The following CUEDC1 variants were observed in gnomAD, a reference collection of about 807,000 sequenced individuals.
CUEDC1 encodes the protein CUE domain-containing protein 1.
Under a neutral mutation model 43.7 loss-of-function variants are expected in CUEDC1, and 30 were observed. That is an observed-to-expected ratio of 0.69 (90% CI 0.51 to 0.93). The LOEUF (loss-of-function observed/expected upper bound fraction) is 0.93. CUEDC1 is among the 40% of genes least tolerant of loss of function. The pLI, the probability that CUEDC1 is intolerant of heterozygous loss-of-function variation, is 0.00. For missense variants in CUEDC1, 486 were observed against 549.0 expected, an observed-to-expected ratio of 0.89 and a Z score of 1.15; for synonymous variants, 223 against 223.6, an observed-to-expected ratio of 1.00 and a Z score of 0.02.
intron 1 of CUEDC1, among the ~76,000 whole-genome samples, chr17:57,949,879 A>AG (rs1226362374): frequency 6.6e-6 from 1 of 152,062 alleles, no homozygotes; most frequent in African/African-American, 2.4e-5. Flanking sequence ...AGTTTCTCTA[A>AG]GGGTGTGGGC....
intron 1 of CUEDC1, among the ~76,000 whole-genome samples, chr17:57,940,392 C>A (rs1443646137): frequency 6.6e-6 from 1 of 152,176 alleles, no homozygotes; most frequent in Non-Finnish European, 1.5e-5. Context: ...CATTTGCCAG[C>A]CTTCCTTGCA....
intron 1 of CUEDC1, among the ~76,000 whole-genome samples, chr17:57,924,678 A>G (rs1163817715): frequency 3.3e-5 from 5 of 152,078 alleles, no homozygotes; most frequent in Non-Finnish European, 1.5e-5. Flanking sequence ...TGAAGCTGTC[A>G]AAGGGCGCTC....
chr17:57,883,844 G>T (rs959684699), intron 2 of CUEDC1, among the ~76,000 whole-genome samples: 1 of 152,194 alleles, frequency 6.6e-6, no homozygotes, highest in Admixed American at 6.5e-5. Flanking sequence ...TCCTGGTCTT[G>T]TCCATGGCTG....
intron 3 of CUEDC1, among the ~76,000 whole-genome samples, chr17:57,876,686 G>A (rs1055208941): frequency 6.6e-6 from 1 of 152,216 alleles, no homozygotes; most frequent in African/African-American, 2.4e-5. Flanking sequence ...ACTGGAGATG[G>A]CCTAGAGGCC....
At chr17:57,896,145 G>A (rs2333067) in intron 1 of CUEDC1, among the ~76,000 whole-genome samples, 49,777 of 152,010 alleles carry the variant, frequency 0.33, 9,241 homozygotes, top group African/African-American at 0.49. Flanking sequence ...CCCTGCCCTT[G>A]CCCTCCACAC....
rs764586502 is a variant in CUEDC1, at chr17:57,869,136, T to C, written c.926A>G (p.Lys309Arg). Residue 309 changes from lysine to arginine, a missense_variant, in exon 7 of 11, where the codon AAA becomes AGA. Physicochemically the swap from Lys to Arg is conservative, Grantham distance 26. Transcript: ENST00000577830. ...GTGGGACTCACACTTTCCCATGTGTTTCAGCTTGTCCCTGAATAAGGCATC... is the reference window on the plus strand; with the variant it reads ...GTGGGACTCACACTTTCCCATGTGTCTCAGCTTGTCCCTGAATAAGGCATC... Reference protein sequence around the residue: ...SEDALFRDKLKHMGKSTRRKL... With the variant: ...SEDALFRDKLRHMGKSTRRKL... 3.7e-6 allele frequency: 6 copies of C among 1,613,932 alleles called. No individual in the cohort carries two copies. The highest frequency in any genetic ancestry group is 4.2e-6 in the Non-Finnish European group (5 of 1,179,988).
rs2074178885 is a variant in CUEDC1, at chr17:57,879,747, G to T, written c.337-9C>A. The T allele has an allele frequency of 6.3e-7, 1 of 1,591,204 alleles. No individual in the cohort carries two copies. The highest frequency in any genetic ancestry group is 1.8e-5 in the Admixed American group (1 of 54,704). ...AAAGTCCTTTCCAAGATCTAAATCA[G>T]AGGCAACAGAGAAAGAAATATTAAT... On this transcript the variant is annotated splice_polypyrimidine_tract_variant and intron_variant, in intron 2 of 10. Coordinates refer to ENST00000577830, the MANE Select transcript of CUEDC1 (RefSeq NM_001271875.2).
At chr17:57,896,490 G>A (rs1452128783) in intron 1 of CUEDC1, among the ~76,000 whole-genome samples, 2 of 88,352 alleles carry the variant, frequency 2.3e-5, no homozygotes, top group African/African-American at 7.9e-5. Context: ...ATTATGGGGT[G>A]TGTGTGTGTG....
At chr17:57,868,570 C>G (rs1163707824) in intron 7 of CUEDC1, 1 of 379,892 alleles carries the variant, frequency 2.6e-6, no homozygotes, top group African/African-American at 2.0e-5. Flanking sequence ...CTCGCTTTCC[C>G]GCCGCCACCG....
chr17:57,946,276 TTCTC>T (rs1451075362), intron 1 of CUEDC1, among the ~76,000 whole-genome samples: 1 of 152,202 alleles, frequency 6.6e-6, no homozygotes, highest in African/African-American at 2.4e-5. Context: ...AATTCAGTGA[TTCTC>T]TCTTTTCAAA....
At position 57,885,493 on chromosome 17, in the gene CUEDC1, C is replaced by T. The variant is rs771169212; in HGVS notation, c.72G>A (p.Gly24=). ...GCTCCTGGGGGGCGGCCGTGCCTCC[C>T]CCGCCCCCGCGTGCCCCGGCGGTGC... ...GGGTAGARGG[G]GGTAAPQELN... is the part of the protein sequence containing the mutation. Residue 24 remains glycine (G), a synonymous_variant, in exon 2 of 11, where the codon GGG becomes GGA. Coordinates refer to ENST00000577830, the MANE Select transcript of CUEDC1 (RefSeq NM_001271875.2). 1 of 1,535,068 alleles carries T rather than the reference C, an allele frequency of 6.5e-7. No homozygotes were observed. Among genetic ancestry groups the T allele is most frequent in the South Asian group, 1.2e-5 (1 of 81,754 alleles).
intron 1 of CUEDC1, among the ~76,000 whole-genome samples, chr17:57,887,027 T>C (rs1668059639): frequency 6.6e-6 from 1 of 152,098 alleles, no homozygotes; most frequent in Non-Finnish European, 1.5e-5. Context: ...TTCACCATGT[T>C]AGCCAGGATG....
intron 1 of CUEDC1, among the ~76,000 whole-genome samples, chr17:57,910,244 G>A (rs1467692145): frequency 6.6e-6 from 1 of 152,112 alleles, no homozygotes; most frequent in African/African-American, 2.4e-5. Context: ...AGTTCATGGA[G>A]TAAGTTTTTT....
chr17:57,938,260 C>T (rs973223651), intron 1 of CUEDC1, among the ~76,000 whole-genome samples: 1 of 152,316 alleles, frequency 6.6e-6, no homozygotes, highest in Non-Finnish European at 1.5e-5. Context: ...TCTGTATTTA[C>T]GCAGGTGATA....
At chr17:57,887,652 T>C (rs1274214955) in intron 1 of CUEDC1, among the ~76,000 whole-genome samples, 3 of 116,786 alleles carry the variant, frequency 2.6e-5, no homozygotes, top group East Asian at 2.1e-4. Context: ...CCACCACGCC[T>C]GGCTTTTTTT....
At chr17:57,929,794 G>GTC (rs907449299) in intron 1 of CUEDC1, among the ~76,000 whole-genome samples, 5 of 151,998 alleles carry the variant, frequency 3.3e-5, no homozygotes, top group East Asian at 3.9e-4. Flanking sequence ...TTCTCAGTCT[G>GTC]TCTCTCTCTC....
intron 2 of CUEDC1, among the ~76,000 whole-genome samples, chr17:57,884,908 A>G (rs974457742): frequency 5.9e-5 from 9 of 152,204 alleles, no homozygotes; most frequent in Non-Finnish European, 1.3e-4. Context: ...GGTGGGGCCC[A>G]GGCACCTGCA....
intron 3 of CUEDC1, among the ~76,000 whole-genome samples, chr17:57,875,084 C>T (rs1260959145): frequency 6.6e-6 from 1 of 152,132 alleles, no homozygotes; most frequent in Non-Finnish European, 1.5e-5. Context: ...TACATCACTG[C>T]CACCTTCTGT....
intron 1 of CUEDC1, among the ~76,000 whole-genome samples, chr17:57,939,559 C>T (rs1379896175): frequency 3.3e-5 from 5 of 152,164 alleles, no homozygotes; most frequent in African/African-American, 7.2e-5. Context: ...ACATTACAGG[C>T]GTGAACCATT....
Sources: allele counts gnomAD v4.1 joint callset (sites outside exome capture counted in the v4.1 genomes callset), GRCh38; gene constraint gnomAD v4.1.1; transcripts MANE v1.5; gene names NCBI Gene and HGNC (gene_info 2026-07-23, HGNC 2026-07-21).